The following C13orf42 variants were observed in gnomAD, a reference collection of about 807,000 sequenced individuals.
C13orf42 encodes the protein uncharacterized protein C13orf42.
intron 1 of C13orf42, among the ~76,000 whole-genome samples, chr13:51,088,439 C>T (rs564248513): frequency 6.6e-6 from 1 of 152,074 alleles, no homozygotes; most frequent in Non-Finnish European, 1.5e-5. Flanking sequence ...TGGTGAGACG[C>T]TCACCACAGG....
intron 1 of C13orf42, among the ~76,000 whole-genome samples, chr13:51,116,988 C>T (rs2138010291): frequency 6.6e-6 from 1 of 152,266 alleles, no homozygotes. Flanking sequence ...GTTTTCCTGC[C>T]CAATTCTATT....
At chr13:51,114,663 C>T (rs59564064), upstream of C13orf42, among the ~76,000 whole-genome samples, 16,451 of 88,222 alleles carry the variant, frequency 0.19, 1,375 homozygotes, top group African/African-American at 0.38. Context: ...GACAGACAGA[C>T]AGACAGACAG....
At chr13:51,104,540 A>G (rs1953328984) in intron 1 of C13orf42, among the ~76,000 whole-genome samples, 1 of 152,238 alleles carries the variant, frequency 6.6e-6, no homozygotes, top group South Asian at 2.1e-4. Flanking sequence ...TTCATTACCC[A>G]TAATCTGAAG....
At chr13:51,121,558 C>T (rs1435966763) in intron 1 of C13orf42, among the ~76,000 whole-genome samples, 3 of 127,240 alleles carry the variant, frequency 2.4e-5, no homozygotes, top group Non-Finnish European at 3.2e-5. Context: ...TTTTTTGAGA[C>T]AGAGTCTCAC....
chr13:51,115,407 G>A (rs1277638335), upstream of C13orf42, among the ~76,000 whole-genome samples: 9 of 152,198 alleles, frequency 5.9e-5, no homozygotes, highest in Admixed American at 5.9e-4. Flanking sequence ...GGATTCAGGT[G>A]AGCACCCCAT....
At chr13:51,099,951 A>G (rs754240021) in intron 1 of C13orf42, among the ~76,000 whole-genome samples, 9 of 152,252 alleles carry the variant, frequency 5.9e-5, no homozygotes, top group Non-Finnish European at 1.0e-4. Flanking sequence ...CCTAACTGAT[A>G]GAACTGAATT....
intron 1 of C13orf42, among the ~76,000 whole-genome samples, chr13:51,147,300 C>T (rs1189832792): frequency 6.6e-6 from 1 of 152,162 alleles, no homozygotes; most frequent in Non-Finnish European, 1.5e-5. Context: ...AGGACAAATC[C>T]CGCTTTGGTG....
chr13:51,085,319 T>A lies in C13orf42; in HGVS notation c.803A>T (p.Asp268Val), dbSNP rs574792875. The A allele has an allele frequency of 2.5e-6, 1 of 398,516 alleles. No homozygotes were observed. The highest frequency in any genetic ancestry group is 3.6e-5 in the East Asian group (1 of 28,080). The allele number at this position is 398,516 out of a possible 1,614,324, so 24.7% of individuals were successfully genotyped here. A position where few individuals can be genotyped will look rare whatever the true frequency, so the allele number is the denominator to read the frequency against. The change falls in exon 3 of 4, where the codon GAC becomes GTC. Residue 268 changes from aspartate (D) to valine (V), a missense_variant and splice_region_variant. Transcript: ENST00000563710. ...CATGCTATTTAGCCCAAGCACTTAC[T>A]CTTTTTTGCAGGCTTTGGGCTTAAA... The part of the protein sequence containing the change: ...WKFKPKACKK[D>V]LGSSRQILFN...
chr13:51,123,597 T>G (rs1409175244), intron 1 of C13orf42, among the ~76,000 whole-genome samples: 1 of 152,190 alleles, frequency 6.6e-6, no homozygotes, highest in African/African-American at 2.4e-5. Flanking sequence ...ATTCAAACCA[T>G]TTCTCCCTTT....
At chr13:51,171,562 G>A (rs576334372) in intron 1 of C13orf42, among the ~76,000 whole-genome samples, 14 of 152,016 alleles carry the variant, frequency 9.2e-5, no homozygotes, top group African/African-American at 3.1e-4. Context: ...TGGCCAGGCC[G>A]AGCTAGGTCC....
upstream of C13orf42, among the ~76,000 whole-genome samples, chr13:51,112,239 C>T (rs1432368743): frequency 6.6e-6 from 1 of 152,160 alleles, no homozygotes; most frequent in East Asian, 1.9e-4. Context: ...GTCTCTAGGT[C>T]AGGCATTTTC....
intron 1 of C13orf42, among the ~76,000 whole-genome samples, chr13:51,096,717 T>C (rs1038104591): frequency 1.3e-5 from 2 of 152,246 alleles, no homozygotes; most frequent in Non-Finnish European, 2.9e-5. Context: ...TCTCTTGAAA[T>C]AATGCTTTTC....
intron 1 of C13orf42, among the ~76,000 whole-genome samples, chr13:51,164,560 C>T (rs952575010): frequency 2.0e-5 from 3 of 151,862 alleles, no homozygotes; most frequent in South Asian, 2.1e-4. Flanking sequence ...TTCAGGAGGC[C>T]GAAGTAGGAG....
At chr13:51,141,609 C>A (rs1345540998) in intron 1 of C13orf42, among the ~76,000 whole-genome samples, 2 of 151,920 alleles carry the variant, frequency 1.3e-5, no homozygotes, top group Non-Finnish European at 2.9e-5. Flanking sequence ...ACCAGCCTGG[C>A]CAACATGGTG....
chr13:51,124,809 T>G (rs929744639), intron 1 of C13orf42, among the ~76,000 whole-genome samples: 1 of 152,212 alleles, frequency 6.6e-6, no homozygotes, highest in African/African-American at 2.4e-5. Context: ...GCTGCTTCCA[T>G]GACCTTCCAG....
chr13:51,097,003 T>C (rs1009823842), intron 1 of C13orf42, among the ~76,000 whole-genome samples: 27 of 152,306 alleles, frequency 1.8e-4, no homozygotes, highest in African/African-American at 6.3e-4. Flanking sequence ...ATTTACTGCT[T>C]TTTAAAAAAA....
chr13:51,149,023 C>G (rs1263863358), intron 1 of C13orf42, among the ~76,000 whole-genome samples: 1 of 152,166 alleles, frequency 6.6e-6, no homozygotes, highest in Non-Finnish European at 1.5e-5. Context: ...CTGCCCCACA[C>G]AGTTTGAAAG....
Position 51,091,426 on chromosome 13 carries a change from G to A in C13orf42, c.415-3351C>T, listed in dbSNP as rs189814079. 1.8e-4 allele frequency among the ~76,000 whole-genome samples: 28 copies of A among 152,240 alleles called. No individual in the cohort carries two copies. The East Asian group carries it at 3.7e-3, about 20-fold the overall frequency. On this transcript the variant is annotated intron_variant, in intron 1 of 3. Transcript: ENST00000563710. ...AAATCCTTCATGGGATAAGGCAGGG[G>A]CATAAACAAATGTAAGTGAATAAAC...
chr13:51,091,995 C>T (rs1173790577), intron 1 of C13orf42, among the ~76,000 whole-genome samples: 2 of 152,140 alleles, frequency 1.3e-5, no homozygotes, highest in African/African-American at 4.8e-5. Context: ...TCCATCCATC[C>T]CCTGCTGCTC....
Sources: allele counts gnomAD v4.1 joint callset (sites outside exome capture counted in the v4.1 genomes callset), GRCh38; gene constraint gnomAD v4.1.1; transcripts MANE v1.5; gene names NCBI Gene and HGNC (gene_info 2026-07-23, HGNC 2026-07-21).